EML2: variants seen among roughly 807,000 people sequenced by gnomAD.
EML2 encodes echinoderm microtubule-associated protein-like 2.
A neutral mutation model predicts 84.7 loss-of-function variants in EML2; 59 were observed. That is an observed-to-expected ratio of 0.70 (90% confidence interval 0.56 to 0.86). EML2 has a LOEUF of 0.86. Ranked by LOEUF, EML2 falls within the 40% of genes least tolerant of loss-of-function variation. The probability of loss-of-function intolerance (pLI) is 0.00; values close to 1 mark genes in which losing one functional copy is unlikely to be tolerated. For synonymous variants in EML2, 352 were observed against 348.9 expected (o/e 1.01, Z -0.10); for missense variants, 818 against 855.6 (o/e 0.96, Z 0.55).
chr19:45,638,088 G>A (rs6509226), intron 3 of EML2, among the ~76,000 whole-genome samples: 54,329 of 152,076 alleles, frequency 0.36, 9,867 homozygotes, highest in East Asian at 0.52. Flanking sequence ...CTGAGTTAGT[G>A]TTTTATCAGT....
chr19:45,612,636 G>T (rs1056992188), intron 18 of EML2, among the ~76,000 whole-genome samples: 3 of 152,126 alleles, frequency 2.0e-5, no homozygotes, highest in African/African-American at 7.2e-5. Flanking sequence ...ATTGTGCCAT[G>T]CCACTGCACT....
At chr19:45,626,954 ACTTTT>A in intron 7 of EML2, 115 bp from the exon 8 acceptor site, 3 of 884,242 alleles carry the variant, frequency 3.4e-6, no homozygotes, top group Middle Eastern at 3.2e-4. Flanking sequence ...GCACACCTGA[ACTTTT>A]CTTTTTTTTT....
chr19:45,642,984 CA>C (rs11433647), upstream of EML2: 2,278 of 82,958 alleles, frequency 0.027, 50 homozygotes, highest in African/African-American at 0.097. Context: ...GACTCCGTCT[CA>C]AAAAAAAAAA....
At chr19:45,642,533 C>G (rs1381977627), upstream of EML2, 1 of 1,413,250 alleles carries the variant, frequency 7.1e-7, no homozygotes, top group Non-Finnish European at 9.2e-7. Context: ...AAGGAAATCC[C>G]CACAGCTCTC....
chr19:45,638,964 A>C, intron 1 of EML2, 91 bp from the exon 2 acceptor site: 1 of 1,499,078 alleles, frequency 6.7e-7, no homozygotes, highest in Non-Finnish European at 9.3e-7. Flanking sequence ...CGCTCCCCGG[A>C]GGTCTCCGAT....
chr19:45,619,168 G>A lies in EML2; in HGVS notation c.1146C>T (p.Gly382=), dbSNP rs776834221. The A allele has an allele frequency of 6.2e-7, 1 of 1,611,494 alleles. No homozygotes were observed. Among genetic ancestry groups the A allele is most frequent in the Non-Finnish European group, 8.5e-7 (1 of 1,179,438 alleles). The change falls in exon 12 of 19, where the codon GGC becomes GGT. Residue 382 remains glycine (G), a synonymous_variant. Transcript: ENST00000245925. ...LVQGHVEELW[G]LATHPSRAQF... ...GGGCCCGACTGGGGTGTGTGGCCAG[G>A]CCCCACAGCTCTTCCACATGGCCCT...
chr19:45,641,719 C>T (rs768886103), upstream of EML2: 3 of 1,536,054 alleles, frequency 2.0e-6, no homozygotes, highest in Admixed American at 2.0e-5. Flanking sequence ...CGAGGCGAGG[C>T]GCTCTGGTGA....
At chr19:45,612,991 G>A (rs2122595520) in intron 18 of EML2, among the ~76,000 whole-genome samples, 1 of 151,976 alleles carries the variant, frequency 6.6e-6, no homozygotes. Context: ...TCAACCTCCT[G>A]GGCTCAAGCA....
intron 11 of EML2, among the ~76,000 whole-genome samples, chr19:45,619,840 C>T (rs566147398): frequency 6.7e-4 from 102 of 152,088 alleles, no homozygotes; most frequent in Admixed American, 1.8e-3. Context: ...AGATTGAGCT[C>T]AGGAGTCCGA....
Position 45,609,637 on chromosome 19 carries a change from T to C in EML2, c.*26A>G. 2.5e-6 allele frequency: 4 copies of C among 1,568,912 alleles called. No homozygotes were observed. Among genetic ancestry groups the C allele is most frequent in the Non-Finnish European group, 3.5e-6 (4 of 1,156,154 alleles). On this transcript the variant is annotated 3_prime_UTR_variant, in exon 19 of 19. Transcript: ENST00000245925. ...TCTCCCGAAAATAGAATTCCTGCCC[T>C]GACACCTGACTCTTCCCTGGCCGCA...
chr19:45,638,933 A>G, intron 1 of EML2, 60 bp from the exon 2 acceptor site: 1 of 1,597,170 alleles, frequency 6.3e-7, no homozygotes, highest in Non-Finnish European at 8.6e-7. Context: ...AAAAGGGGAG[A>G]AACCATTCCT....
intron 9 of EML2, chr19:45,623,663 A>T (rs1260640166): frequency 6.6e-6 from 1 of 151,460 alleles, no homozygotes; most frequent in African/African-American, 2.4e-5. Context: ...TGATTCTCCC[A>T]CCTCAGCCTC....
Position 45,616,766 on chromosome 19 carries a change from TG to T in EML2, c.1409del (p.Pro470GlnfsTer78). On this transcript the variant is annotated frameshift_variant and splice_region_variant, in exon 14 of 19. Coordinates refer to ENST00000245925, the MANE Select transcript of EML2 (RefSeq NM_012155.4). LOFTEE classifies it high-confidence loss of function. ...GGGTGTCCCAGGCCTGCCGCTTACC[TG>T]GGGAGAAGCTGACCACTGAGATCTG... ...NEQISVVSFSPDGAYLAVGSH... is the reference protein window; with the variant it reads ...NEQISVVSFSXDGAYLAVGSH... 4.3e-6 allele frequency: 7 copies of T among 1,612,664 alleles called. No homozygotes were observed. Among genetic ancestry groups the T allele is most frequent in the South Asian group, 1.1e-5 (1 of 90,982 alleles).
chr19:45,616,734 G>A, intron 14 of EML2, 31 bp downstream of exon 14: 3 of 1,596,700 alleles, frequency 1.9e-6, no homozygotes, highest in Admixed American at 1.7e-5. Flanking sequence ...CCCTGGCCCT[G>A]CCGCTTGGGT....
upstream of EML2, among the ~76,000 whole-genome samples, chr19:45,639,654 G>A (rs1974219773): frequency 6.6e-6 from 1 of 152,108 alleles, no homozygotes; most frequent in Non-Finnish European, 1.5e-5. Context: ...GTGTACACAG[G>A]TCGTCCAACC....
At chr19:45,644,946 A>G, upstream of EML2, 1 of 450,074 alleles carries the variant, frequency 2.2e-6, no homozygotes, top group Non-Finnish European at 4.2e-6. Context: ...CAGAAGCTTG[A>G]GGGGAGAGAG....
At chr19:45,633,738 AAAAAAAG>A (rs1286274885) in intron 4 of EML2, among the ~76,000 whole-genome samples, 1 of 151,902 alleles carries the variant, frequency 6.6e-6, no homozygotes, top group African/African-American at 2.4e-5. Context: ...ACTAGTTCTC[AAAAAAAG>A]AAAAAAGAAA....
chr19:45,629,955 A>G lies in EML2; in HGVS notation c.602T>C (p.Val201Ala). ...DWAKETKVVD[V>A]KCSNEAVLVA... is the part of the protein sequence containing the mutation. ...GGATGAGAAAAGTCACCTCACCTTG[A>G]CATCCACCACCTTGGTCTCCTTGGC... Residue 201 changes from valine (V) to alanine (A), a missense_variant, in exon 7 of 19, where the codon GTC becomes GCC. By Grantham distance (64) the Val-to-Ala change is moderately conservative. Transcript: ENST00000245925. 1 of 1,613,044 alleles carries G rather than the reference A, an allele frequency of 6.2e-7. No homozygotes were observed. The highest frequency in any genetic ancestry group is 8.5e-7 in the Non-Finnish European group (1 of 1,179,274).
rs759230691 is a variant in EML2 at position 45,619,155 on chromosome 19, GGT to G, written c.1157_1158del (p.His386ProfsTer13). The G allele has an allele frequency of 3.1e-6, 5 of 1,611,864 alleles. No homozygotes were observed. The Admixed American group carries it at 6.7e-5, about 22-fold the overall frequency. ...HVEELWGLAT[H>X]PSRAQFVTCG... is the part of the protein sequence containing the mutation. Reference sequence around the variant, plus strand: ...CAGGTCACAAACTGGGCCCGACTGGGGTGTGTGGCCAGGCCCCACAGCTCTTC... The same window carrying G: ...CAGGTCACAAACTGGGCCCGACTGGGGTGTGGCCAGGCCCCACAGCTCTTC... On this transcript the variant is annotated frameshift_variant, in exon 12 of 19. Transcript: ENST00000245925. LOFTEE classifies it high-confidence loss of function.
Sources: gnomAD v4.1 joint callset for allele counts (sites outside exome capture counted in the v4.1 genomes callset) on GRCh38, gnomAD v4.1.1 for gene constraint, MANE v1.5 for transcripts, NCBI Gene and HGNC (gene_info 2026-07-23, HGNC 2026-07-21) for gene names.